Variants in EP300 observed in about 807,000 individuals in gnomAD.
EP300 encodes the protein EP300 lysine acetyltransferase, also known as histone acetyltransferase p300.
Under a neutral mutation model 264.0 loss-of-function variants are expected in EP300, and 31 were observed. The observed-to-expected ratio is 0.12, with a 90% CI of 0.09 to 0.16. The LOEUF is 0.16. EP300 is among the 10% of genes least tolerant of loss of function. EP300 has a pLI of 1.00. For missense variants in EP300, 2,766 were observed against 3,052.9 expected (o/e 0.91, Z 2.21); for synonymous variants, 1,340 against 1,045.4 (o/e 1.28, Z -5.44).
chr22:41,176,268 A>G lies in EP300; in HGVS notation c.4801A>G (p.Ile1601Val). Residue 1601 changes from isoleucine (I) to valine (V), a missense_variant, in exon 30 of 31, where the codon ATT becomes GTT. Physicochemically the swap from Ile to Val is conservative, Grantham distance 29. Coordinates refer to ENST00000263253, the MANE Select transcript of EP300 (RefSeq NM_001429.4). ...TCAGGTCTTCTTTGTGATCCGCCTC[A>G]TTGCTGGCCCTGCTGCCAACTCCCT... is the stretch of plus-strand genomic sequence containing the variant. ...HKEVFFVIRL[I>V]AGPAANSLPP... 1.9e-6 allele frequency: 3 copies of G among 1,614,150 alleles called. No individual in the cohort carries two copies. The highest frequency in any genetic ancestry group is 2.5e-6 in the Non-Finnish European group (3 of 1,180,022).
intron 29 of EP300, among the ~76,000 whole-genome samples, chr22:41,175,276 G>C (rs9623343): frequency 0.015 from 2,252 of 147,830 alleles, 50 homozygotes; most frequent in African/African-American, 0.054. Context: ...GCCAGAGACT[G>C]TGAGTGTGGC....
At chr22:41,138,879 T>A (rs945047162) in intron 8 of EP300, among the ~76,000 whole-genome samples, 1 of 152,220 alleles carries the variant, frequency 6.6e-6, no homozygotes, top group Non-Finnish European at 1.5e-5. Flanking sequence ...ATTATATACG[T>A]TTCATTTAGG....
At chr22:41,112,730 T>C (rs1367756380) in intron 1 of EP300, among the ~76,000 whole-genome samples, 2 of 151,934 alleles carry the variant, frequency 1.3e-5, no homozygotes, top group Non-Finnish European at 2.9e-5. Flanking sequence ...TTAGAAGTAT[T>C]TGTGTTAGCT....
chr22:41,155,619 GTCAC>G (rs1050583918), intron 17 of EP300, among the ~76,000 whole-genome samples: 3 of 152,104 alleles, frequency 2.0e-5, no homozygotes, highest in African/African-American at 4.8e-5. Flanking sequence ...ACCATTAACA[GTCAC>G]TCACTATTTT....
chr22:41,141,834 G>A (rs772211582), intron 10 of EP300, among the ~76,000 whole-genome samples: 4 of 152,000 alleles, frequency 2.6e-5, no homozygotes, highest in Non-Finnish European at 5.9e-5. Flanking sequence ...ATGCCACCAC[G>A]CCTGTCTAAT....
chr22:41,140,299 C>A, intron 9 of EP300, 42 bp downstream of exon 9: 3 of 1,315,750 alleles, frequency 2.3e-6, no homozygotes, highest in Admixed American at 1.7e-5. Context: ...AAGATTGAAC[C>A]TGTTGTGGTT....
At chr22:41,111,880 T>C (rs2058792905) in intron 1 of EP300, among the ~76,000 whole-genome samples, 2 of 21,108 alleles carry the variant, frequency 9.5e-5, no homozygotes, top group African/African-American at 2.9e-4. Context: ...TGTAACCTTT[T>C]TTTTTTTTTT....
chr22:41,170,621 C>G (rs372047948), intron 27 of EP300, 50 bp downstream of exon 27: 18 of 1,087,944 alleles, frequency 1.7e-5, no homozygotes, highest in Admixed American at 3.5e-5. Flanking sequence ...TGGAAATGCA[C>G]TAATGTTGCT....
chr22:41,163,408 C>T (rs1245068194), intron 21 of EP300, among the ~76,000 whole-genome samples: 1 of 127,240 alleles, frequency 7.9e-6, no homozygotes, highest in African/African-American at 3.1e-5. Flanking sequence ...GCACTCCAGC[C>T]TGGGCGACAG....
At chr22:41,129,831 C>T in intron 4 of EP300, 59 bp from the exon 5 acceptor site, 1 of 1,298,504 alleles carries the variant, frequency 7.7e-7, no homozygotes, top group South Asian at 1.2e-5. Context: ...AACAAGTTAG[C>T]TATTATTAAT....
At chr22:41,167,572 G>A (rs2059141899) in intron 23 of EP300, among the ~76,000 whole-genome samples, 2 of 95,484 alleles carry the variant, frequency 2.1e-5, no homozygotes, top group African/African-American at 5.6e-5. Context: ...GTGTGTGTGT[G>A]TGTGTGTGTG....
intron 1 of EP300, among the ~76,000 whole-genome samples, chr22:41,112,364 T>C (rs1485931873): frequency 1.3e-5 from 2 of 151,808 alleles, no homozygotes; most frequent in African/African-American, 4.8e-5. Context: ...TAATTTTTTG[T>C]TTTGTTTTGT....
intron 26 of EP300, among the ~76,000 whole-genome samples, 192 bp downstream of exon 26, chr22:41,169,808 AGTTTCACC>A (rs2059160037): frequency 6.6e-6 from 1 of 152,162 alleles, no homozygotes; most frequent in Non-Finnish European, 1.5e-5. Context: ...TGTTGGCCCT[AGTTTCACC>A]CATCCAACAT....
At position 41,130,022 on chromosome 22, in the gene EP300, T is replaced by A. The variant is rs1311058309; in HGVS notation, c.1282+19T>A. 6.3e-7 allele frequency: 1 copy of A among 1,590,280 alleles called. No individual in the cohort carries two copies. Among genetic ancestry groups the A allele is most frequent in the Non-Finnish European group, 8.6e-7 (1 of 1,158,912 alleles). On this transcript the variant is annotated intron_variant, in intron 5 of 30. Coordinates refer to ENST00000263253, the MANE Select transcript of EP300 (RefSeq NM_001429.4). ...CAACAGCGTAAGTGATGAAATCTTT[T>A]GAAGGTTTATATGAAAAGTTTTAAA...
chr22:41,105,368 T>A (rs1223583558), intron 1 of EP300, among the ~76,000 whole-genome samples: 4 of 135,044 alleles, frequency 3.0e-5, no homozygotes, highest in African/African-American at 1.1e-4. Flanking sequence ...AAAAAAAAAA[T>A]TCAATATTGA....
intron 1 of EP300, among the ~76,000 whole-genome samples, chr22:41,113,551 A>G (rs2058805392): frequency 6.6e-6 from 1 of 152,026 alleles, no homozygotes; most frequent in Non-Finnish European, 1.5e-5. Flanking sequence ...TTTATTTATT[A>G]TTATTATTTT....
chr22:41,164,114 A>G lies in EP300; in HGVS notation c.3790A>G (p.Ile1264Val). The change falls in exon 22 of 31, where the codon ATC (isoleucine) becomes GTC (valine). Residue 1264 changes from isoleucine to valine, a missense_variant. Transcript: ENST00000263253. The part of the protein sequence containing the change: ...MHQICVLHHE[I>V]IWPAGFVCDG... The stretch of plus-strand genomic sequence containing the variant: ...TCAGATCTGTGTCCTTCACCATGAG[A>G]TCATCTGGCCTGCTGGGTAAGTCTT... The G allele has an allele frequency of 6.2e-7, 1 of 1,614,048 alleles. No homozygotes were observed. Among genetic ancestry groups the G allele is most frequent in the Non-Finnish European group, 8.5e-7 (1 of 1,179,982 alleles).
chr22:41,135,272 C>T (rs2058944139), intron 6 of EP300, among the ~76,000 whole-genome samples: 1 of 152,128 alleles, frequency 6.6e-6, no homozygotes, highest in Admixed American at 6.5e-5. Flanking sequence ...GTTGTCTTCC[C>T]CTGGCCTGGA....
intron 21 of EP300, 78 bp downstream of exon 21, chr22:41,162,857 C>A: frequency 8.4e-7 from 1 of 1,189,120 alleles, no homozygotes; most frequent in Non-Finnish European, 1.3e-6. Context: ...TTTGCATGAC[C>A]AATCAGATGA....
Sources: gnomAD v4.1 joint callset for allele counts (sites outside exome capture counted in the v4.1 genomes callset) on GRCh38, gnomAD v4.1.1 for gene constraint, MANE v1.5 for transcripts, NCBI Gene and HGNC (gene_info 2026-07-23, HGNC 2026-07-21) for gene names.